The following CNOT3 variants were observed in gnomAD, a reference collection of about 807,000 sequenced individuals.
CNOT3 encodes CCR4-NOT transcription complex subunit 3.
CNOT3 carries 2 observed loss-of-function variants against 89.4 expected under a neutral mutation model. The ratio of observed to expected loss-of-function variants is 0.02; its 90% CI spans 0.01 to 0.07. The LOEUF (loss-of-function observed/expected upper bound fraction) is 0.07, where lower values mean the gene tolerates loss of function less well. CNOT3 is among the 10% of genes least tolerant of loss of function. The pLI is 1.00. For missense variants in CNOT3, 664 were observed against 1,010.2 expected (o/e 0.66, Z 4.65); for synonymous variants, 486 against 402.0 (o/e 1.21, Z -2.50).
intron 17 of CNOT3, chr19:54,154,129 G>T: frequency 3.1e-6 from 2 of 650,980 alleles, no homozygotes; most frequent in Non-Finnish European, 5.8e-6. Context: ...TGCAGTGCTG[G>T]GCACACTCGC....
At chr19:54,150,309 G>A (rs2146700797) in intron 13 of CNOT3, among the ~76,000 whole-genome samples, 1 of 152,280 alleles carries the variant, frequency 6.6e-6, no homozygotes, top group African/African-American at 2.4e-5. Context: ...AGGCAGGGGG[G>A]CTAACAGCTG....
intron 16 of CNOT3, 35 bp downstream of exon 16, chr19:54,153,034 C>A (rs767477888): frequency 1.3e-6 from 2 of 1,582,906 alleles, no homozygotes; most frequent in Admixed American, 3.5e-5. Flanking sequence ...CTCGGGCCCC[C>A]CGGCTTCGCC....
chr19:54,138,641 C>T (rs2074321519), intron 1 of CNOT3, among the ~76,000 whole-genome samples: 1 of 152,212 alleles, frequency 6.6e-6, no homozygotes, highest in African/African-American at 2.4e-5. Context: ...TTCCAGCTGC[C>T]CGTCTGTATC....
chr19:54,146,475 T>C (rs2074678116), intron 9 of CNOT3, 126 bp from the exon 10 acceptor site: 1 of 715,736 alleles, frequency 1.4e-6, no homozygotes, highest in African/African-American at 1.8e-5. Context: ...GGACAGCCAT[T>C]TGACCAGCTC....
Position 54,148,657 on chromosome 19 carries a change from G to A in CNOT3, c.1320G>A (p.Val440=). Residue 440 remains valine, a synonymous_variant, in exon 12 of 18, where the codon GTG becomes GTA. Transcript: ENST00000221232. The surrounding 1 kb of genome is among the most constrained non-coding windows in gnomAD (Gnocchi z 6.3). ...SSVVADSPAE[V]ALSSSGGNNA... is the part of the protein sequence containing the mutation. ...TTGTGGCAGACAGCCCGGCAGAGGT[G>A]GCTTTGAGCAGCAGTGGGGGCAACA... The A allele has an allele frequency of 6.2e-7, 1 of 1,610,936 alleles. No individual in the cohort carries two copies. The highest frequency in any genetic ancestry group is 8.5e-7 in the Non-Finnish European group (1 of 1,178,734).
chr19:54,141,574 T>C (rs953442252), intron 1 of CNOT3: 1 of 152,260 alleles, frequency 6.6e-6, no homozygotes, highest in East Asian at 1.9e-4. Context: ...CCAACAGATA[T>C]GCGCAAATAG....
chr19:54,148,563 G>C lies in CNOT3; in HGVS notation c.1282+28G>C. The C allele has an allele frequency of 6.3e-7, 1 of 1,579,826 alleles. No homozygotes were observed. On this transcript the variant is annotated intron_variant, in intron 11 of 17. Coordinates refer to ENST00000221232, the MANE Select transcript of CNOT3 (RefSeq NM_014516.4). This position sits in a 1 kb window ranked among gnomAD's most constrained non-coding sequence, Gnocchi z 6.3. ...GAGTGAGGAGGCAGCGGGGTGGGGG[G>C]CGTGGGCGGGGCTGGGCAGCAGGCA...
chr19:54,140,463 G>C (rs2074402875), intron 1 of CNOT3, among the ~76,000 whole-genome samples: 1 of 152,088 alleles, frequency 6.6e-6, no homozygotes, highest in Non-Finnish European at 1.5e-5. Flanking sequence ...ACAGCAAATG[G>C]GGCTCTTTCT....
At position 54,143,920 on chromosome 19, in the gene CNOT3, C is replaced by T. The variant is rs587683627; in HGVS notation, c.259-86C>T. The T allele has an allele frequency of 1.9e-3, 3,005 of 1,548,386 alleles. 4 individuals carry two copies. Among genetic ancestry groups the T allele is most frequent in the Non-Finnish European group, 2.3e-3 (2,690 of 1,147,784 alleles). ...ACTCAGAGCTCAGAAAGTAGGGTCA[C>T]GAGGCTCAGGTCGGAGTGTCTGCTG... On this transcript the variant is annotated intron_variant, in intron 5 of 17. Transcript: ENST00000221232.
At chr19:54,138,219 C>T (rs2146508134) in intron 1 of CNOT3, among the ~76,000 whole-genome samples, 1 of 152,068 alleles carries the variant, frequency 6.6e-6, no homozygotes. Flanking sequence ...TTCCTCAGCG[C>T]CTCCCGGGGG....
rs2146772095 is a variant in CNOT3, at chr19:54,153,011, C to T, written c.2037+12C>T. On this transcript the variant is annotated intron_variant, in intron 16 of 17. Transcript: ENST00000221232. ...TCTACTATCTGGAGGTACAGCAGGG[C>T]CCCCGGGGCAGCCTCGGGCCCCCCG... 5.0e-6 allele frequency: 8 copies of T among 1,592,504 alleles called. No homozygotes were observed. The highest frequency in any genetic ancestry group is 6.0e-6 in the Non-Finnish European group (7 of 1,163,822).
chr19:54,155,589 G>T lies in CNOT3; in HGVS notation c.*182G>T. Reference sequence around the variant, plus strand: ...CCCACCCTGGGGGCCCGGGGGCGAGGGCTGCCCCCTCCTCCCCTCCCCAGT... The same window carrying T: ...CCCACCCTGGGGGCCCGGGGGCGAGTGCTGCCCCCTCCTCCCCTCCCCAGT... On this transcript the variant is annotated 3_prime_UTR_variant, in exon 18 of 18. Coordinates refer to ENST00000221232, the MANE Select transcript of CNOT3 (RefSeq NM_014516.4). 2 of 1,064,314 alleles carry T rather than the reference G, an allele frequency of 1.9e-6. No homozygotes were observed. Among genetic ancestry groups the T allele is most frequent in the Non-Finnish European group, 2.7e-6 (2 of 743,026 alleles). 65.9% of individuals were successfully genotyped at this position (1,064,314 alleles called of 1,614,324 possible). A position where few individuals can be genotyped will look rare whatever the true frequency, so the allele number is the denominator to read the frequency against.
intron 1 of CNOT3, chr19:54,142,629 G>T: frequency 2.1e-6 from 1 of 476,160 alleles, no homozygotes; most frequent in Non-Finnish European, 3.9e-6. Flanking sequence ...ACCTTTTTGA[G>T]TGTATTCTGG....
Position 54,148,291 on chromosome 19 carries a change from C to A in CNOT3, c.1038C>A (p.Pro346=). The A allele has an allele frequency of 6.2e-7, 1 of 1,608,666 alleles. No homozygotes were observed. Among genetic ancestry groups the A allele is most frequent in the East Asian group, 2.2e-5 (1 of 44,656 alleles). ...TTPGNNGVPA[P]AAPPSALGPK... ...CTGGCAACAATGGGGTCCCCGCCCC[C>A]GCAGCACCCCCAAGTGCCCTGGGCC... The change falls in exon 11 of 18, where the codon CCC becomes CCA. Residue 346 remains proline (P), a synonymous_variant. Coordinates refer to ENST00000221232, the MANE Select transcript of CNOT3 (RefSeq NM_014516.4). The surrounding 1 kb of genome is among the most constrained non-coding windows in gnomAD (Gnocchi z 6.3).
In CNOT3 at chr19:54,152,478, C is replaced by G; in HGVS notation, c.1756C>G (p.Leu586Val). Residue 586 changes from leucine (L) to valine (V), a missense_variant, in exon 15 of 18, where the codon CTG (leucine) becomes GTG (valine). Physicochemically the swap from Leu to Val is conservative, Grantham distance 32 (BLOSUM62 1). Around this residue, in one of 8 missense-constraint regions of CNOT3, gnomAD observed 545 missense variants for 566.2 expected, o/e 0.96. Coordinates refer to ENST00000221232, the MANE Select transcript of CNOT3 (RefSeq NM_014516.4). ...SAPPASAQPP[L>V]QLSEVNIPLS... ...ACCTCCGGCCTCAGCCCAGCCGCCC[C>G]TGCAGCTGTCAGAGGTGAACATACC... is the stretch of plus-strand genomic sequence containing the variant. 6.2e-7 allele frequency: 1 copy of G among 1,614,228 alleles called. No homozygotes were observed. The highest frequency in any genetic ancestry group is 8.5e-7 in the Non-Finnish European group (1 of 1,180,038).
chr19:54,148,845 T>C lies in CNOT3; in HGVS notation c.1406+102T>C. On this transcript the variant is annotated intron_variant, in intron 12 of 17. Transcript: ENST00000221232. This position sits in a 1 kb window ranked among gnomAD's most constrained non-coding sequence, Gnocchi z 6.3. Reference sequence around the variant, plus strand: ...TCGGTGGGTTCTGAACCCCCCGCCCTTGCTGCTGGGAATGGCCAAGCGCTA... The same window carrying C: ...TCGGTGGGTTCTGAACCCCCCGCCCCTGCTGCTGGGAATGGCCAAGCGCTA... 2 of 1,042,020 alleles carry C rather than the reference T, an allele frequency of 1.9e-6. No individual in the cohort carries two copies. Among genetic ancestry groups the C allele is most frequent in the Non-Finnish European group, 2.8e-6 (2 of 724,160 alleles). The allele number at this position is 1,042,020 out of a possible 1,614,324, so 64.5% of individuals were successfully genotyped here.
chr19:54,143,951 T>TA, intron 5 of CNOT3, 55 bp from the exon 6 acceptor site: 2 of 1,578,354 alleles, frequency 1.3e-6, no homozygotes, highest in Non-Finnish European at 1.7e-6. Flanking sequence ...TGCTGGCCCT[T>TA]AGTCAGCTCC....
intron 1 of CNOT3, among the ~76,000 whole-genome samples, chr19:54,139,619 G>A (rs1441668491): frequency 2.6e-5 from 4 of 152,118 alleles, no homozygotes; most frequent in African/African-American, 4.8e-5. Context: ...GCCTCTGCAT[G>A]TGTCCCCACC....
intron 13 of CNOT3, 87 bp from the exon 14 acceptor site, chr19:54,152,139 G>C: frequency 1.4e-6 from 2 of 1,429,326 alleles, no homozygotes; most frequent in Non-Finnish European, 2.0e-6. Context: ...CCCAAACAGG[G>C]CAGGTGAGAG....
Sources: allele counts gnomAD v4.1 joint callset (sites outside exome capture counted in the v4.1 genomes callset), GRCh38; gene constraint gnomAD v4.1.1; regional missense constraint gnomAD v4.1.1; non-coding constraint Gnocchi (gnomAD v3.1); transcripts MANE v1.5; gene names NCBI Gene and HGNC (gene_info 2026-07-23, HGNC 2026-07-21).